The following ABR variants were observed in gnomAD, a reference collection of about 807,000 sequenced individuals.
ABR encodes active breakpoint cluster region-related protein.
A neutral mutation model predicts 107.2 loss-of-function variants in ABR; 35 were observed. The ratio of observed to expected loss-of-function variants is 0.33; its 90% CI spans 0.25 to 0.43. The LOEUF (loss-of-function observed/expected upper bound fraction) is 0.43. Ranked by LOEUF, ABR falls within the 20% of genes least tolerant of loss-of-function variation. ABR has a pLI of 1.00. For synonymous variants in ABR, 498 were observed against 462.0 expected, an observed-to-expected ratio of 1.08 and a Z score of -1.00; for missense variants, 815 against 1,115.2, an observed-to-expected ratio of 0.73 and a Z score of 3.83.
At chr17:1,096,010 CCCTGTGG>C (rs2037397758) in intron 3 of ABR, among the ~76,000 whole-genome samples, 1 of 152,188 alleles carries the variant, frequency 6.6e-6, no homozygotes, top group Non-Finnish European at 1.5e-5. Context: ...AGTGGCCTCA[CCCTGTGG>C]CCCCAGCGTA....
intron 11 of ABR, 91 bp from the exon 12 acceptor site, chr17:1,058,136 C>CTTTTTT (rs71148422): frequency 1.9e-4 from 60 of 318,786 alleles, no homozygotes; most frequent in Middle Eastern, 1.1e-3. Context: ...CTCCTTTTAT[C>CTTTTTT]TTTTTTTTTT....
intron 1 of ABR, among the ~76,000 whole-genome samples, chr17:1,216,137 TCC>T (rs1439050816): frequency 4.1e-5 from 6 of 144,878 alleles, no homozygotes; most frequent in Non-Finnish European, 4.5e-5. Context: ...CCCTGCCAAA[TCC>T]CCCTCTCCGA....
chr17:1,031,639 G>A (rs1172870575), intron 16 of ABR: 4 of 1,250,674 alleles, frequency 3.2e-6, no homozygotes, highest in Admixed American at 4.2e-5. Context: ...CCCCAGAGCC[G>A]GGCGCCGGTG....
chr17:1,130,944 CG>C (rs1413146592), intron 1 of ABR, among the ~76,000 whole-genome samples: 68 of 152,212 alleles, frequency 4.5e-4, no homozygotes, highest in African/African-American at 1.3e-3. Flanking sequence ...CTTCAGACTG[CG>C]AGAGCATCGA....
chr17:1,166,917 G>A (rs147267225), intron 1 of ABR, among the ~76,000 whole-genome samples: 2,102 of 152,172 alleles, frequency 0.014, 63 homozygotes, highest in African/African-American at 0.048. Context: ...CAGGAGAATC[G>A]CTTGAACTGG....
intron 2 of ABR, among the ~76,000 whole-genome samples, chr17:1,105,282 C>T (rs991931866): frequency 1.3e-5 from 2 of 151,998 alleles, no homozygotes; most frequent in Admixed American, 6.6e-5. Context: ...GCTGGGATTA[C>T]AGGCATGAGC....
chr17:1,068,839 C>G (rs1462302600), intron 9 of ABR, among the ~76,000 whole-genome samples: 1 of 152,218 alleles, frequency 6.6e-6, no homozygotes, highest in Non-Finnish European at 1.5e-5. Flanking sequence ...TCCAAGACTC[C>G]TCTCTCATCT....
intron 1 of ABR, among the ~76,000 whole-genome samples, chr17:1,211,870 C>T (rs1255216032): frequency 6.6e-6 from 1 of 151,810 alleles, no homozygotes; most frequent in Non-Finnish European, 1.5e-5. Flanking sequence ...TGCTTGAGGT[C>T]GGGAGTTTGA....
chr17:1,205,279 C>G (rs1168937069), intron 1 of ABR, among the ~76,000 whole-genome samples: 1 of 152,108 alleles, frequency 6.6e-6, no homozygotes, highest in Non-Finnish European at 1.5e-5. Flanking sequence ...CCTTAGTTTT[C>G]TCATACATCA....
intron 1 of ABR, among the ~76,000 whole-genome samples, chr17:1,217,471 G>A (rs1014515627): frequency 6.6e-6 from 1 of 152,212 alleles, no homozygotes; most frequent in African/African-American, 2.4e-5. Flanking sequence ...TGGTTACCAT[G>A]TGTCAGGTCT....
chr17:1,102,228 C>T (rs555771874), intron 2 of ABR, among the ~76,000 whole-genome samples: 2 of 152,258 alleles, frequency 1.3e-5, no homozygotes, highest in African/African-American at 2.4e-5. Flanking sequence ...CTCTAGCTTT[C>T]GGTTCGTTCT....
intron 2 of ABR, among the ~76,000 whole-genome samples, chr17:1,111,550 A>G (rs982169449): frequency 6.6e-6 from 1 of 152,086 alleles, no homozygotes; most frequent in Non-Finnish European, 1.5e-5. Flanking sequence ...AGCCTGCTTC[A>G]AAGGCCCCCC....
At chr17:1,105,147 T>C (rs1053537800) in intron 2 of ABR, among the ~76,000 whole-genome samples, 1 of 151,894 alleles carries the variant, frequency 6.6e-6, no homozygotes, top group Non-Finnish European at 1.5e-5. Context: ...TAGTTGGGAT[T>C]ACAGGTGCAC....
intron 16 of ABR, among the ~76,000 whole-genome samples, chr17:1,028,649 G>A (rs1330529034): frequency 6.6e-6 from 1 of 152,214 alleles, no homozygotes; most frequent in Non-Finnish European, 1.5e-5. Flanking sequence ...CAGTGCCGGT[G>A]TCCAGCTTAA....
intron 1 of ABR, among the ~76,000 whole-genome samples, chr17:1,203,362 T>C (rs1188611891): frequency 1.0e-4 from 4 of 40,106 alleles, no homozygotes; most frequent in East Asian, 9.5e-4. Flanking sequence ...TGCGGGGCGG[T>C]CCCCCGTGGG....
chr17:1,057,306 GTTTGTGTGTGTGT>G (rs2033403392), intron 12 of ABR, among the ~76,000 whole-genome samples: 1 of 16,184 alleles, frequency 6.2e-5, no homozygotes, highest in Non-Finnish European at 1.3e-4. Flanking sequence ...AACTGAAGAG[GTTTGTGTGTGTGT>G]GTGTGTGTGT....
rs948235619 is a variant in ABR, at chr17:1,092,218, G to A, written c.346-368C>T. Among the ~76,000 whole-genome samples the A allele has an allele frequency of 2.6e-5, 4 of 152,198 alleles. No homozygotes were observed. Among genetic ancestry groups the A allele is most frequent in the African/African-American group, 9.6e-5 (4 of 41,458 alleles). On this transcript the variant is annotated intron_variant, in intron 3 of 22. Coordinates refer to ENST00000302538, the MANE Select transcript of ABR (RefSeq NM_021962.5). This position sits in a 1 kb window ranked among gnomAD's most constrained non-coding sequence, Gnocchi z 4.6. Reference sequence around the variant, plus strand: ...GCTCCTTGTCACACTTCAGTGGAAGGGAGGGTTGACAGGGAACTCAAGCCT... The same window carrying A: ...GCTCCTTGTCACACTTCAGTGGAAGAGAGGGTTGACAGGGAACTCAAGCCT...
intron 1 of ABR, among the ~76,000 whole-genome samples, chr17:1,199,303 C>G (rs12948303): frequency 0.026 from 3,886 of 151,184 alleles, 122 homozygotes; most frequent in Non-Finnish European, 0.034. Context: ...AGAAGCCACG[C>G]TGCAATTAAC....
At chr17:1,031,973 C>A (rs1224252913) in intron 16 of ABR, 1 of 765,244 alleles carries the variant, frequency 1.3e-6, no homozygotes, top group Non-Finnish European at 1.7e-6. Flanking sequence ...CCAGGCTGAG[C>A]GCCGCCTCCC....
Sources: allele counts gnomAD v4.1 joint callset (sites outside exome capture counted in the v4.1 genomes callset), GRCh38; gene constraint gnomAD v4.1.1; non-coding constraint Gnocchi (gnomAD v3.1); transcripts MANE v1.5; gene names NCBI Gene and HGNC (gene_info 2026-07-23, HGNC 2026-07-21).